Variants in CDK6 observed in about 807,000 individuals in gnomAD.
The protein encoded by CDK6 is cyclin-dependent kinase 6.
CDK6 carries 6 observed loss-of-function variants against 37.1 expected under a neutral mutation model. The observed-to-expected ratio is 0.16, with a 90% confidence interval of 0.09 to 0.32. The LOEUF is 0.32. Ranked by LOEUF, CDK6 falls within the 10% of genes least tolerant of loss-of-function variation. CDK6 has a pLI of 1.00. For missense variants in CDK6, 224 were observed against 418.9 expected (o/e 0.53, Z 4.06); for synonymous variants, 160 against 161.3 (o/e 0.99, Z 0.06).
At chr7:92,624,240 C>T (rs1290379392) in intron 5 of CDK6, among the ~76,000 whole-genome samples, 2 of 152,012 alleles carry the variant, frequency 1.3e-5, no homozygotes, top group Non-Finnish European at 2.9e-5. Context: ...AATTTTTTTC[C>T]CCCAAATTCA....
chr7:92,792,566 TC>T (rs1800311155), intron 2 of CDK6, among the ~76,000 whole-genome samples: 1 of 152,100 alleles, frequency 6.6e-6, no homozygotes, highest in South Asian at 2.1e-4. Flanking sequence ...CAATTTATAC[TC>T]CCATAGTGAT....
At chr7:92,751,589 C>A (rs1162501637) in intron 3 of CDK6, among the ~76,000 whole-genome samples, 1 of 152,118 alleles carries the variant, frequency 6.6e-6, no homozygotes, top group Non-Finnish European at 1.5e-5. Flanking sequence ...GTTTTATTAA[C>A]TTTTTGCAAA....
At chr7:92,775,530 T>A (rs1295222761) in intron 2 of CDK6, among the ~76,000 whole-genome samples, 1 of 152,196 alleles carries the variant, frequency 6.6e-6, no homozygotes, top group Non-Finnish European at 1.5e-5. Flanking sequence ...ATGTTTTGGA[T>A]GGGTGAATCC....
At chr7:92,784,809 T>A (rs1800082315) in intron 2 of CDK6, among the ~76,000 whole-genome samples, 1 of 152,206 alleles carries the variant, frequency 6.6e-6, no homozygotes, top group South Asian at 2.1e-4. Context: ...CAATAAATAT[T>A]TATTGAATAA....
At chr7:92,789,177 A>G (rs1017653240) in intron 2 of CDK6, among the ~76,000 whole-genome samples, 1 of 152,196 alleles carries the variant, frequency 6.6e-6, no homozygotes, top group African/African-American at 2.4e-5. Flanking sequence ...GTTAACCAAG[A>G]ATTCTATATC....
chr7:92,618,599 T>G (rs1795732883), intron 6 of CDK6, among the ~76,000 whole-genome samples: 1 of 152,208 alleles, frequency 6.6e-6, no homozygotes, highest in Non-Finnish European at 1.5e-5. Context: ...CAAGAATGCT[T>G]TTTGTGTTTT....
intron 5 of CDK6, among the ~76,000 whole-genome samples, chr7:92,626,739 T>C (rs1030637170): frequency 1.3e-5 from 2 of 152,084 alleles, no homozygotes; most frequent in African/African-American, 4.8e-5. Flanking sequence ...CAGAACTTGA[T>C]GGAAATGTGA....
At chr7:92,618,897 A>G (rs1344652286) in intron 6 of CDK6, among the ~76,000 whole-genome samples, 1 of 152,218 alleles carries the variant, frequency 6.6e-6, no homozygotes, top group African/African-American at 2.4e-5. Flanking sequence ...TGGAAAGAAC[A>G]GCAAGTGATA....
intron 4 of CDK6, among the ~76,000 whole-genome samples, chr7:92,705,755 C>A (rs970409847): frequency 6.6e-6 from 1 of 152,136 alleles, no homozygotes; most frequent in Non-Finnish European, 1.5e-5. Flanking sequence ...CTGAATTGGG[C>A]ACTAGATAGA....
chr7:92,831,126 G>C (rs915638987), intron 2 of CDK6, among the ~76,000 whole-genome samples: 2 of 152,180 alleles, frequency 1.3e-5, no homozygotes, highest in African/African-American at 4.8e-5. Flanking sequence ...TTTGTCTTCA[G>C]TTCATAAGAA....
chr7:92,729,299 T>C (rs375994708), intron 3 of CDK6, among the ~76,000 whole-genome samples: 11 of 152,202 alleles, frequency 7.2e-5, no homozygotes, highest in Non-Finnish European at 1.5e-5. Flanking sequence ...TATTTCACAG[T>C]AACCCTAGTG....
chr7:92,831,071 C>T (rs1801466756), intron 2 of CDK6, among the ~76,000 whole-genome samples: 1 of 152,208 alleles, frequency 6.6e-6, no homozygotes, highest in African/African-American at 2.4e-5. Flanking sequence ...CAGGTAGGTG[C>T]CATCATCACC....
intron 4 of CDK6, among the ~76,000 whole-genome samples, chr7:92,721,232 T>A (rs190308498): frequency 1.6e-3 from 251 of 152,310 alleles, no homozygotes; most frequent in Non-Finnish European, 2.6e-3. Flanking sequence ...CCCCTAGGCT[T>A]AGGAGTGAAC....
chr7:92,692,946 T>G (rs532592332), intron 4 of CDK6, among the ~76,000 whole-genome samples: 1 of 152,318 alleles, frequency 6.6e-6, no homozygotes, highest in African/African-American at 2.4e-5. Flanking sequence ...ATTTTCTGAA[T>G]GAAAACCAAG....
chr7:92,742,742 T>TAC (rs57808535), intron 3 of CDK6, among the ~76,000 whole-genome samples: 6,641 of 150,528 alleles, frequency 0.044, 219 homozygotes, highest in African/African-American at 0.091. Context: ...CATATATATA[T>TAC]ACACACACAC....
chr7:92,712,239 C>A (rs1798112284), intron 4 of CDK6, among the ~76,000 whole-genome samples: 1 of 151,606 alleles, frequency 6.6e-6, no homozygotes. Context: ...TGTGGAAGAA[C>A]CTGCAAAAAA....
At chr7:92,718,305 C>T (rs1051090465) in intron 4 of CDK6, among the ~76,000 whole-genome samples, 3 of 152,054 alleles carry the variant, frequency 2.0e-5, no homozygotes, top group African/African-American at 4.8e-5. Flanking sequence ...GGTGCCGAGG[C>T]GACGGGGCTT....
At chr7:92,806,160 T>C (rs1336642558) in intron 2 of CDK6, among the ~76,000 whole-genome samples, 2 of 152,212 alleles carry the variant, frequency 1.3e-5, no homozygotes, top group Non-Finnish European at 2.9e-5. Context: ...ATCTATCTTC[T>C]TGAAAAAAGC....
chr7:92,774,531 G>A (rs1168596360), intron 3 of CDK6, among the ~76,000 whole-genome samples, 165 bp downstream of exon 3: 2 of 152,052 alleles, frequency 1.3e-5, no homozygotes, highest in African/African-American at 4.8e-5. Context: ...CTTAGTTGAT[G>A]AACTGGAATA....
Sources: gnomAD v4.1 joint callset for allele counts (sites outside exome capture counted in the v4.1 genomes callset) on GRCh38, gnomAD v4.1.1 for gene constraint, MANE v1.5 for transcripts, NCBI Gene and HGNC (gene_info 2026-07-23, HGNC 2026-07-21) for gene names.